LRBA: variants seen among roughly 807,000 people sequenced by gnomAD.
LRBA encodes lipopolysaccharide-responsive and beige-like anchor protein.
LRBA carries 176 observed loss-of-function variants against 330.0 expected under a neutral mutation model. That is an observed-to-expected ratio of 0.53 (90% CI 0.47 to 0.60). The LOEUF (loss-of-function observed/expected upper bound fraction) is 0.60. Among genes scored for constraint, LRBA ranks in the 20% least tolerant of loss-of-function variants. The pLI, the probability that LRBA is intolerant of heterozygous loss-of-function variation, is 0.00. For synonymous variants in LRBA, 1,230 were observed against 1,193.0 expected (o/e 1.03, Z -0.64); for missense variants, 3,259 against 3,444.8 (o/e 0.95, Z 1.35).
chr4:150,858,804 G>A (rs1033202998), intron 22 of LRBA, among the ~76,000 whole-genome samples: 2 of 152,160 alleles, frequency 1.3e-5, no homozygotes, highest in African/African-American at 2.4e-5. Context: ...TGGGAGGCAT[G>A]AGCCACCATG....
intron 4 of LRBA, among the ~76,000 whole-genome samples, chr4:150,927,012 A>C (rs1041572605): frequency 1.3e-5 from 2 of 151,408 alleles, no homozygotes; most frequent in Non-Finnish European, 2.9e-5. Flanking sequence ...TGGAGGTTGC[A>C]GTGAGCAGAG....
chr4:150,548,222 G>A lies in LRBA; in HGVS notation c.6330+39826C>T, dbSNP rs72957884. 5.8e-3 allele frequency among the ~76,000 whole-genome samples: 882 copies of A among 152,134 alleles called. 8 individuals carry two copies. Among genetic ancestry groups the A allele is most frequent in the African/African-American group, 0.02 (830 of 41,512 alleles). On this transcript the variant is annotated intron_variant, in intron 40 of 56. Transcript: ENST00000651943. ...GCAGTCACTCTTCTTCCCTCAATCA[G>A]TTATCCTCTCTGTTTTCTTCATAAA...
chr4:150,571,713 C>CATT (rs1769887467), intron 40 of LRBA, among the ~76,000 whole-genome samples: 1 of 110,282 alleles, frequency 9.1e-6, no homozygotes, highest in African/African-American at 3.5e-5. Context: ...GAAAGTGATT[C>CATT]ATTTGGCCAA....
intron 30 of LRBA, among the ~76,000 whole-genome samples, chr4:150,825,671 G>C (rs541272191): frequency 6.6e-6 from 1 of 151,994 alleles, no homozygotes; most frequent in Non-Finnish European, 1.5e-5. Context: ...TGTGTATCAC[G>C]GTAAAAGTGC....
intron 5 of LRBA, among the ~76,000 whole-genome samples, chr4:150,918,549 G>A (rs1732898450): frequency 6.6e-6 from 1 of 152,154 alleles, no homozygotes; most frequent in African/African-American, 2.4e-5. Flanking sequence ...AGGAGTTGAA[G>A]ACCAGCCTGG....
intron 30 of LRBA, among the ~76,000 whole-genome samples, chr4:150,817,508 TAA>T (rs1359125250): frequency 6.6e-6 from 1 of 152,010 alleles, no homozygotes; most frequent in Admixed American, 6.6e-5. Flanking sequence ...ATAGTATTTT[TAA>T]AATTTAGGAT....
chr4:151,002,569 G>GAA (rs767161173), intron 2 of LRBA, among the ~76,000 whole-genome samples: 3 of 53,724 alleles, frequency 5.6e-5, no homozygotes, highest in Non-Finnish European at 7.7e-5. Context: ...CCATCTCTCA[G>GAA]AAAAAAAAAA....
chr4:150,985,157 G>A (rs958191219), intron 2 of LRBA, among the ~76,000 whole-genome samples: 2 of 151,464 alleles, frequency 1.3e-5, no homozygotes, highest in African/African-American at 4.9e-5. Flanking sequence ...TACTCGAGAA[G>A]CTGAGGCAGG....
At position 150,973,148 on chromosome 4, in the gene LRBA, C is replaced by CTGTTTGTTTGTT. The variant is rs3033033; in HGVS notation, c.216+41267_216+41278dup. 2.9e-3 allele frequency among the ~76,000 whole-genome samples: 427 copies of CTGTTTGTTTGTT among 149,578 alleles called. 2 individuals carry two copies. The highest frequency in any genetic ancestry group is 8.9e-3 in the Admixed American group (134 of 14,978). ...TTTTAAAATTAAATATTTTGTCTGT[C>CTGTTTGTTTGTT]TGTTTGTTTGTTTGTTTGTTTGTTT... is the stretch of plus-strand genomic sequence containing the variant. On this transcript the variant is annotated intron_variant, in intron 2 of 56. Transcript: ENST00000651943.
intron 34 of LRBA, among the ~76,000 whole-genome samples, chr4:150,783,293 G>A (rs567660872): frequency 1.2e-4 from 18 of 152,160 alleles, no homozygotes; most frequent in South Asian, 8.3e-4. Context: ...CTGTTCTCAC[G>A]AATTAGTAGC....
chr4:150,953,973 C>G (rs1737191126), intron 2 of LRBA, among the ~76,000 whole-genome samples: 1 of 145,342 alleles, frequency 6.9e-6, no homozygotes, highest in Non-Finnish European at 1.5e-5. Context: ...TCTGCCCCGC[C>G]ACCCCGTCTG....
At chr4:150,681,954 T>G (rs527356177) in intron 37 of LRBA, among the ~76,000 whole-genome samples, 1 of 152,270 alleles carries the variant, frequency 6.6e-6, no homozygotes, top group African/African-American at 2.4e-5. Context: ...AAACTATGTT[T>G]TCCTTTTGAT....
intron 30 of LRBA, among the ~76,000 whole-genome samples, chr4:150,820,605 C>T (rs1051817493): frequency 1.3e-5 from 2 of 151,966 alleles, no homozygotes; most frequent in South Asian, 4.1e-4. Flanking sequence ...AATTCGCTGA[C>T]TGATTCAAAT....
intron 47 of LRBA, among the ~76,000 whole-genome samples, chr4:150,413,428 A>C (rs1408882029): frequency 6.6e-6 from 1 of 152,222 alleles, no homozygotes; most frequent in African/African-American, 2.4e-5. Flanking sequence ...ATATATCTAT[A>C]AAATGGAATA....
At chr4:150,401,170 A>G (rs1745410472) in intron 47 of LRBA, among the ~76,000 whole-genome samples, 1 of 152,238 alleles carries the variant, frequency 6.6e-6, no homozygotes. Flanking sequence ...AAGCTCGGAG[A>G]GAGGCCTGGA....
At chr4:150,953,213 T>C (rs917598877) in intron 2 of LRBA, among the ~76,000 whole-genome samples, 3 of 152,054 alleles carry the variant, frequency 2.0e-5, no homozygotes, top group African/African-American at 7.2e-5. Context: ...CAGCAGAAGA[T>C]CAACATGAAA....
rs1339944589 is a variant in LRBA at position 150,265,228 on chromosome 4, T to C, written c.*494A>G. ...TAATTGAGATGTTTTAAATTACATT[T>C]ACCATAATTTAAACATTACTATTTA... On this transcript the variant is annotated 3_prime_UTR_variant, in exon 57 of 57. Transcript: ENST00000651943. 6.4e-6 allele frequency: 1 copy of C among 155,630 alleles called. No homozygotes were observed. The highest frequency in any genetic ancestry group is 1.4e-5 in the Non-Finnish European group (1 of 69,772). The allele number at this position is 155,630 out of a possible 1,614,324, so 9.6% of individuals were successfully genotyped here. A position where few individuals can be genotyped will look rare whatever the true frequency, so the allele number is the denominator to read the frequency against.
chr4:150,585,934 A>T (rs1772059992), intron 40 of LRBA, among the ~76,000 whole-genome samples: 1 of 152,172 alleles, frequency 6.6e-6, no homozygotes, highest in South Asian at 2.1e-4. Context: ...TAAGTTGTGT[A>T]AGATTCCTTG....
intron 40 of LRBA, among the ~76,000 whole-genome samples, chr4:150,568,183 C>T (rs1271496433): frequency 6.6e-6 from 1 of 151,432 alleles, no homozygotes; most frequent in African/African-American, 2.4e-5. Context: ...AAAAAACAAA[C>T]AAAAAAAATA....
Sources: allele counts gnomAD v4.1 joint callset (sites outside exome capture counted in the v4.1 genomes callset), GRCh38; gene constraint gnomAD v4.1.1; transcripts MANE v1.5; gene names NCBI Gene and HGNC (gene_info 2026-07-23, HGNC 2026-07-21).